TDRD12: variants seen among roughly 807,000 people sequenced by gnomAD.
TDRD12 encodes the protein putative ATP-dependent RNA helicase TDRD12.
Under a neutral mutation model 133.5 loss-of-function variants are expected in TDRD12, and 158 were observed. The observed-to-expected ratio is 1.18, with a 90% CI of 1.04 to 1.35. The LOEUF (loss-of-function observed/expected upper bound fraction) is 1.35, where lower values mean the gene tolerates loss of function less well. Ranked by LOEUF, TDRD12 falls within the 40% of genes most tolerant of loss-of-function variation. The pLI, the probability that TDRD12 is intolerant of heterozygous loss-of-function variation, is 0.00. For missense variants in TDRD12, 1,443 were observed against 1,321.3 expected, an observed-to-expected ratio of 1.09 and a Z score of -1.43; for synonymous variants, 460 against 477.9, an observed-to-expected ratio of 0.96 and a Z score of 0.49.
At chr19:32,756,285 C>A in intron 7 of TDRD12, 104 bp downstream of exon 7, 1 of 984,520 alleles carries the variant, frequency 1.0e-6, no homozygotes, top group Non-Finnish European at 1.4e-6. Flanking sequence ...GAGACAAAGA[C>A]TTGGACTCTG....
At chr19:32,747,264 A>G (rs1303733335) in intron 4 of TDRD12, among the ~76,000 whole-genome samples, 1 of 152,214 alleles carries the variant, frequency 6.6e-6, no homozygotes, top group Non-Finnish European at 1.5e-5. Flanking sequence ...TCTTTTTTAA[A>G]AAAGCTAATT....
chr19:32,800,721 A>G (rs1309408715), exon 18 of TDRD12: 2 of 1,535,870 alleles, frequency 1.3e-6, no homozygotes, highest in Non-Finnish European at 1.7e-6. Context: ...GTCAGGCACA[A>G]AAGACCTTGA....
At chr19:32,721,091 A>C (rs907304810) in intron 1 of TDRD12, among the ~76,000 whole-genome samples, 5 of 151,942 alleles carry the variant, frequency 3.3e-5, no homozygotes, top group African/African-American at 1.2e-4. Context: ...GGCTTCCCTC[A>C]TGCCCCCAGT....
intron 14 of TDRD12, chr19:32,796,230 A>G: frequency 4.1e-6 from 4 of 964,944 alleles, no homozygotes; most frequent in Non-Finnish European, 4.9e-6. Context: ...ATAGGGTTGC[A>G]GTTAGGAAAA....
intron 8 of TDRD12, among the ~76,000 whole-genome samples, chr19:32,760,108 G>GT (rs1970109795): frequency 6.6e-6 from 1 of 152,228 alleles, no homozygotes; most frequent in Non-Finnish European, 1.5e-5. Flanking sequence ...ACATCATCGT[G>GT]TTTAATTATT....
At chr19:32,802,562 T>A in intron 19 of TDRD12, 94 bp from the exon 20 acceptor site, 1 of 1,353,416 alleles carries the variant, frequency 7.4e-7, no homozygotes, top group Admixed American at 2.8e-5. Flanking sequence ...AAATGTGATA[T>A]GGAAATGCAC....
chr19:32,796,404 G>T (rs1264259602), intron 14 of TDRD12, among the ~76,000 whole-genome samples: 1 of 152,112 alleles, frequency 6.6e-6, no homozygotes, highest in Non-Finnish European at 1.5e-5. Context: ...GGCCAACATG[G>T]TGAAACCCTG....
intron 10 of TDRD12, among the ~76,000 whole-genome samples, chr19:32,775,168 A>G (rs1002074973): frequency 4.6e-5 from 7 of 152,128 alleles, no homozygotes; most frequent in African/African-American, 7.2e-5. Context: ...AATGTCAGAT[A>G]TTTTGATATT....
chr19:32,813,105 G>T (rs1967061741), intron 24 of TDRD12, among the ~76,000 whole-genome samples: 2 of 152,300 alleles, frequency 1.3e-5, no homozygotes, highest in South Asian at 2.1e-4. Flanking sequence ...GCACCCTGGA[G>T]TTCGAGGCTG....
At chr19:32,790,683 T>G (rs1274988634) in intron 12 of TDRD12, 92 bp downstream of exon 12, 1 of 1,551,576 alleles carries the variant, frequency 6.4e-7, no homozygotes, top group Admixed American at 2.0e-5. Context: ...GACTTGAGAT[T>G]AGAAGAGAAA....
In TDRD12 at chr19:32,797,963, G is replaced by A. The variant is rs116197562; in HGVS notation, c.1630+72G>A. 2.0e-3 allele frequency: 1,213 copies of A among 605,540 alleles called. 12 individuals carry two copies. In the African/African-American group the frequency reaches 0.02, roughly 10 times the overall value. The allele number at this position is 605,540 out of a possible 1,614,324, so 37.5% of individuals were successfully genotyped here. A position where few individuals can be genotyped will look rare whatever the true frequency, so the allele number is the denominator to read the frequency against. The stretch of plus-strand genomic sequence containing the variant: ...ACTGTCTTCCCTACAGAAGACAGTG[G>A]AGCCTGGCTGGGCCTGGGTCCACAG... On this transcript the variant is annotated intron_variant, in intron 15 of 27. Coordinates refer to ENST00000444215, the Ensembl canonical transcript of TDRD12.
chr19:32,806,021 C>T (rs1345353970), intron 21 of TDRD12, among the ~76,000 whole-genome samples: 4 of 152,158 alleles, frequency 2.6e-5, no homozygotes, highest in South Asian at 2.1e-4. Context: ...CGTGAGCCAC[C>T]GCACCCGGCC....
intron 14 of TDRD12, among the ~76,000 whole-genome samples, chr19:32,797,504 G>A (rs1180786351): frequency 6.6e-6 from 1 of 152,182 alleles, no homozygotes; most frequent in East Asian, 1.9e-4. Context: ...CATCTTAAGA[G>A]CTAAATGAAT....
At position 32,756,042 on chromosome 19, in the gene TDRD12, A is replaced by G. The variant is rs149773815; in HGVS notation, c.633A>G (p.Ser211=). 8.1e-4 allele frequency: 1,194 copies of G among 1,477,276 alleles called. 30 individuals are homozygous for G. The East Asian group carries it at 0.023, about 29-fold the overall frequency. 91.5% of individuals were successfully genotyped at this position (1,477,276 alleles called of 1,614,324 possible). A position where few individuals can be genotyped will look rare whatever the true frequency, so the allele number is the denominator to read the frequency against. ...CAAAGAACTATGCTTGTTATATGTC[A>G]CCTACAAAGAATAAAAACCTTGATT... Residue 211 remains serine (S), a synonymous_variant, in exon 7 of 28, where the codon TCA becomes TCG. Coordinates refer to ENST00000444215, the Ensembl canonical transcript of TDRD12.
intron 22 of TDRD12, among the ~76,000 whole-genome samples, chr19:32,808,177 G>T (rs907124399): frequency 1.5e-4 from 23 of 152,132 alleles, no homozygotes; most frequent in African/African-American, 4.6e-4. Context: ...GCCAAGTTAA[G>T]AATTTTTTTA....
chr19:32,720,151 C>G (rs1968579330), intron 1 of TDRD12, 55 bp downstream of exon 1: 1 of 1,523,644 alleles, frequency 6.6e-7, no homozygotes, highest in East Asian at 2.5e-5. Context: ...CCACCCCCAC[C>G]CCAGCCGCGC....
chr19:32,801,257 T>G (rs1971380959), intron 18 of TDRD12, among the ~76,000 whole-genome samples: 2 of 151,388 alleles, frequency 1.3e-5, no homozygotes, highest in Non-Finnish European at 2.9e-5. Flanking sequence ...CAGTAAAAGA[T>G]ATCATATAGC....
rs1568469827 is a variant in TDRD12, at chr19:32,773,494, CA to C, written c.1003del (p.Ile335Ter). 6.4e-7 allele frequency: 1 copy of C among 1,551,778 alleles called. No homozygotes were observed. Among genetic ancestry groups the C allele is most frequent in the Non-Finnish European group, 8.7e-7 (1 of 1,146,978 alleles). ...CAGTGTACTGGCCAGCAAAAAGAGGCATAACCATATATGCTGATCCAGATGT... is the reference window on the plus strand; with the variant it reads ...CAGTGTACTGGCCAGCAAAAAGAGGCTAACCATATATGCTGATCCAGATGT... On this transcript the variant is annotated frameshift_variant, in exon 10 of 28. Transcript: ENST00000444215. LOFTEE classifies it high-confidence loss of function.
chr19:32,791,289 G>A (rs1971063891), intron 13 of TDRD12, among the ~76,000 whole-genome samples: 2 of 152,126 alleles, frequency 1.3e-5, no homozygotes, highest in Admixed American at 1.3e-4. Flanking sequence ...TGATTGTTTT[G>A]TGAGGCAGCC....
Sources: gnomAD v4.1 joint callset for allele counts (sites outside exome capture counted in the v4.1 genomes callset) on GRCh38, gnomAD v4.1.1 for gene constraint, MANE v1.5 for transcripts, NCBI Gene and HGNC (gene_info 2026-07-23, HGNC 2026-07-21) for gene names.